DISP1: variants seen among roughly 807,000 people sequenced by gnomAD.
DISP1 encodes the protein protein dispatched homolog 1.
Under a neutral mutation model 37.3 loss-of-function variants are expected in DISP1, and 30 were observed. The observed-to-expected ratio is 0.80, with a 90% CI of 0.60 to 1.09. The LOEUF is 1.09. DISP1 is among the 50% of genes least tolerant of loss of function. The probability of loss-of-function intolerance (pLI) is 0.00; values close to 1 mark genes in which losing one functional copy is unlikely to be tolerated. For synonymous variants in DISP1, 634 were observed against 690.2 expected (o/e 0.92, Z 1.28); for missense variants, 1,598 against 1,879.5 (o/e 0.85, Z 2.77).
intron 1 of DISP1, among the ~76,000 whole-genome samples, chr1:222,874,398 G>A (rs1490135599): frequency 4.0e-5 from 6 of 151,232 alleles, no homozygotes; most frequent in Admixed American, 1.3e-4. Flanking sequence ...TCTCCCCATC[G>A]TAGATTTGGT....
chr1:222,933,841 G>T (rs1265869723), intron 2 of DISP1, among the ~76,000 whole-genome samples: 1 of 151,948 alleles, frequency 6.6e-6, no homozygotes, highest in Non-Finnish European at 1.5e-5. Context: ...ATCCTTTCTA[G>T]TTCCTTAAAA....
chr1:222,843,219 C>T (rs931652853), intron 1 of DISP1, among the ~76,000 whole-genome samples: 1 of 151,834 alleles, frequency 6.6e-6, no homozygotes, highest in Non-Finnish European at 1.5e-5. Context: ...GCAGTGTTAT[C>T]ACTGCAAATA....
At chr1:222,860,608 C>G (rs532480927) in intron 1 of DISP1, among the ~76,000 whole-genome samples, 1 of 152,006 alleles carries the variant, frequency 6.6e-6, no homozygotes, top group South Asian at 2.1e-4. Flanking sequence ...TTGCTAGGGC[C>G]GGGTGCGGTC....
At chr1:222,963,915 G>A (rs1676262254) in intron 3 of DISP1, among the ~76,000 whole-genome samples, 1 of 151,978 alleles carries the variant, frequency 6.6e-6, no homozygotes, top group Admixed American at 6.6e-5. Context: ...AAAAAATAAA[G>A]CGTTATAAAA....
At chr1:222,927,238 G>GAAGTGGTATCTAATAAGATACCACTTAT (rs1206901894) in intron 1 of DISP1, among the ~76,000 whole-genome samples, 2 of 151,894 alleles carry the variant, frequency 1.3e-5, no homozygotes, top group African/African-American at 2.4e-5. Context: ...TGGTGGATGT[G>GAAGTGGTATCTAATAAGATACCACTTAT]AAGTGGTATC....
intron 1 of DISP1, among the ~76,000 whole-genome samples, chr1:222,868,474 G>C (rs189823254): frequency 2.0e-5 from 3 of 151,916 alleles, no homozygotes; most frequent in African/African-American, 7.3e-5. Flanking sequence ...GTTTGGGAGC[G>C]GAATTATTCA....
intron 1 of DISP1, among the ~76,000 whole-genome samples, chr1:222,875,107 T>C (rs890116604): frequency 6.6e-6 from 1 of 152,122 alleles, no homozygotes; most frequent in Non-Finnish European, 1.5e-5. Context: ...AGAGAGAATT[T>C]GGGCTTATAA....
rs913946565 is a variant in DISP1 at position 222,990,622 on chromosome 1, T to C, written c.540-3T>C. 1.9e-6 allele frequency: 3 copies of C among 1,614,058 alleles called. No individual in the cohort carries two copies. Among genetic ancestry groups the C allele is most frequent in the Middle Eastern group, 3.3e-4 (2 of 6,058 alleles). ...ATAGCCGACACTTCTTTGTGTTTTGTAGTTATGCAGCCCTGATAGCCGACT... is the reference window on the plus strand; with the variant it reads ...ATAGCCGACACTTCTTTGTGTTTTGCAGTTATGCAGCCCTGATAGCCGACT... On this transcript the variant is annotated splice_region_variant and splice_polypyrimidine_tract_variant and intron_variant, in intron 4 of 8. Transcript: ENST00000675850.
intron 1 of DISP1, among the ~76,000 whole-genome samples, chr1:222,898,427 TA>T (rs1361656292): frequency 6.6e-6 from 1 of 152,138 alleles, no homozygotes; most frequent in Admixed American, 6.5e-5. Context: ...TCTTAATTTG[TA>T]ACTCTTGAAA....
intron 2 of DISP1, among the ~76,000 whole-genome samples, chr1:222,937,151 G>A (rs1052499559): frequency 7.4e-5 from 11 of 147,740 alleles, no homozygotes; most frequent in Admixed American, 2.1e-4. Flanking sequence ...GTGCAGTGGC[G>A]TGATCTCGGC....
At chr1:222,951,998 G>C (rs1045973291) in intron 3 of DISP1, among the ~76,000 whole-genome samples, 1 of 152,260 alleles carries the variant, frequency 6.6e-6, no homozygotes, top group South Asian at 2.1e-4. Flanking sequence ...AAGAGAACTA[G>C]ACTATACAGT....
intron 4 of DISP1, among the ~76,000 whole-genome samples, chr1:222,990,417 G>T (rs1199550455): frequency 6.6e-6 from 1 of 152,306 alleles, no homozygotes; most frequent in East Asian, 1.9e-4. Flanking sequence ...CAATGATCTT[G>T]TAACTTTCTA....
chr1:222,915,383 A>G (rs967085943), intron 1 of DISP1, among the ~76,000 whole-genome samples: 4 of 152,190 alleles, frequency 2.6e-5, no homozygotes, highest in Admixed American at 1.3e-4. Flanking sequence ...AAAGGAAGGA[A>G]TGAATGCTGC....
chr1:222,936,754 A>G (rs1360715347), intron 2 of DISP1, among the ~76,000 whole-genome samples: 1 of 78,138 alleles, frequency 1.3e-5, no homozygotes, highest in African/African-American at 5.0e-5. Context: ...TATCATATAT[A>G]TGATATATAA....
chr1:222,870,867 T>G (rs1244371916), intron 1 of DISP1, among the ~76,000 whole-genome samples: 3 of 152,190 alleles, frequency 2.0e-5, no homozygotes, highest in Non-Finnish European at 4.4e-5. Context: ...TCCTTGCCCA[T>G]GCCTATGTCC....
intron 1 of DISP1, among the ~76,000 whole-genome samples, chr1:222,853,026 G>A (rs912101409): frequency 3.9e-5 from 6 of 152,180 alleles, no homozygotes; most frequent in Non-Finnish European, 8.8e-5. Flanking sequence ...TCTGAGGAGA[G>A]AGTAAATGTT....
chr1:222,987,738 T>C (rs1425682078), intron 4 of DISP1, among the ~76,000 whole-genome samples: 6 of 152,156 alleles, frequency 3.9e-5, no homozygotes, highest in Admixed American at 6.5e-5. Context: ...ATTGATAACA[T>C]GTTAATAGGT....
intron 1 of DISP1, among the ~76,000 whole-genome samples, chr1:222,832,910 T>G (rs1666114538): frequency 1.3e-5 from 2 of 151,930 alleles, no homozygotes; most frequent in South Asian, 4.1e-4. Flanking sequence ...AAATAAAAAA[T>G]GAAAATAAAT....
At position 223,005,161 on chromosome 1, in the gene DISP1, C is replaced by T. The variant is rs1392231452; in HGVS notation, c.3764C>T (p.Pro1255Leu). 1.9e-6 allele frequency: 3 copies of T among 1,614,090 alleles called. No individual in the cohort carries two copies. The Admixed American group carries it at 5.0e-5, about 27-fold the overall frequency. ...SDAGSALLQPPLEQHTVCHFF... is the reference protein window; with the variant it reads ...SDAGSALLQPLLEQHTVCHFF... ...GCTGGCTCTGCCTTGTTACAGCCCC[C>T]TCTTGAACAGCATACCGTGTGTCAC... Residue 1255 changes from proline (P) to leucine (L), a missense_variant, in exon 9 of 9, where the codon CCT (proline) becomes CTT (leucine). Coordinates refer to ENST00000675850, the MANE Select transcript of DISP1 (RefSeq NM_001377229.1).
Sources: allele counts gnomAD v4.1 joint callset (sites outside exome capture counted in the v4.1 genomes callset), GRCh38; gene constraint gnomAD v4.1.1; transcripts MANE v1.5; gene names NCBI Gene and HGNC (gene_info 2026-07-23, HGNC 2026-07-21).